DIAPH2: variants seen among roughly 807,000 people sequenced by gnomAD.
The protein encoded by DIAPH2 is diaphanous related formin 2, also known as protein diaphanous homolog 2.
Under a neutral mutation model 92.7 loss-of-function variants are expected in DIAPH2, and 35 were observed. The observed-to-expected ratio is 0.38, with a 90% CI of 0.29 to 0.50. The LOEUF (loss-of-function observed/expected upper bound fraction) is 0.50, where lower values mean the gene tolerates loss of function less well. DIAPH2 is among the 20% of genes least tolerant of loss of function. DIAPH2 has a pLI of 0.94. For synonymous variants in DIAPH2, 301 were observed against 280.4 expected (o/e 1.07, Z -0.73); for missense variants, 701 against 819.5 (o/e 0.86, Z 1.77).
chrX:97,114,795 A>G lies in DIAPH2; in HGVS notation c.2419A>G (p.Ile807Val). The G allele has an allele frequency of 8.3e-7, 1 of 1,211,305 alleles. No homozygotes were observed. Among genetic ancestry groups the G allele is most frequent in the African/African-American group, 1.7e-5 (1 of 57,866 alleles). The change falls in exon 21 of 27, where the codon ATA becomes GTA. Residue 807 changes from isoleucine to valine, a missense_variant. Physicochemically the swap from Ile to Val is conservative, Grantham distance 29. Transcript: ENST00000324765. Reference sequence around the variant, plus strand: ...GTTCAAGCTCACATTTGAAGAACACATAAACAACATCAAACCAAGCATCAT... The same window carrying G: ...GTTCAAGCTCACATTTGAAGAACACGTAAACAACATCAAACCAAGCATCAT... ...ILFKLTFEEH[I>V]NNIKPSIIAV...
chrX:96,707,226 T>A (rs1415678151), intron 1 of DIAPH2, among the ~76,000 whole-genome samples: 1 of 109,673 alleles, frequency 9.1e-6, no homozygotes, highest in Non-Finnish European at 1.9e-5. Context: ...TGGAGTGCAG[T>A]GGCGTGATCT....
intron 21 of DIAPH2, among the ~76,000 whole-genome samples, chrX:97,132,931 G>A (rs1168403601): frequency 9.1e-6 from 1 of 110,370 alleles, no homozygotes; most frequent in Non-Finnish European, 1.9e-5. Context: ...TTTTTCCTGA[G>A]TACAGCACCT....
chrX:96,898,651 C>T (rs1374037635), intron 5 of DIAPH2, among the ~76,000 whole-genome samples: 20 of 107,479 alleles, frequency 1.9e-4, no homozygotes, highest in Admixed American at 8.1e-4. Flanking sequence ...GAGTAGGTTG[C>T]GAAAATTTTC....
chrX:97,178,609 C>T (rs2067514222), intron 22 of DIAPH2, among the ~76,000 whole-genome samples: 1 of 108,639 alleles, frequency 9.2e-6, no homozygotes, highest in African/African-American at 3.4e-5. Flanking sequence ...CCCACCATCA[C>T]GCCTGGCTAA....
chrX:97,599,303 A>G lies in DIAPH2; in HGVS notation c.3292A>G (p.Ile1098Val). 1.7e-6 allele frequency: 2 copies of G among 1,184,623 alleles called. No homozygotes were observed. Among genetic ancestry groups the G allele is most frequent in the Non-Finnish European group, 2.3e-6 (2 of 875,183 alleles). Residue 1098 changes from isoleucine (I) to valine (V), a missense_variant, in exon 27 of 27, where the codon ATC (isoleucine) becomes GTC (valine). Physicochemically the swap from Ile to Val is conservative, Grantham distance 29 (BLOSUM62 3). Transcript: ENST00000324765. Reference sequence around the variant, plus strand: ...GTCACGCTCTCGCCACAATGGAGCTATCTCATCTAAGTGATTCCTGATGCC... The same window carrying G: ...GTCACGCTCTCGCCACAATGGAGCTGTCTCATCTAAGTGATTCCTGATGCC... ...ERSRSRHNGAISSK is the reference protein window; with the variant it reads ...ERSRSRHNGAVSSK
At chrX:96,915,598 C>T (rs913333626) in intron 7 of DIAPH2, among the ~76,000 whole-genome samples, 1 of 110,758 alleles carries the variant, frequency 9.0e-6, no homozygotes, top group Non-Finnish European at 1.9e-5. Context: ...GGAAATTTTG[C>T]TCCGATGAAA....
chrX:97,574,562 A>G (rs759729854), intron 26 of DIAPH2, among the ~76,000 whole-genome samples: 1 of 111,876 alleles, frequency 8.9e-6, no homozygotes, highest in South Asian at 3.8e-4. Flanking sequence ...CTGAATCTTA[A>G]CAGATGAGTA....
At chrX:97,143,228 T>C (rs1345122617) in intron 22 of DIAPH2, among the ~76,000 whole-genome samples, 2 of 111,269 alleles carry the variant, frequency 1.8e-5, no homozygotes, top group Non-Finnish European at 3.8e-5. Context: ...GAAGCATATT[T>C]ACTAACATGT....
chrX:96,728,393 A>G (rs1170407700), intron 1 of DIAPH2, among the ~76,000 whole-genome samples: 3 of 110,659 alleles, frequency 2.7e-5, no homozygotes, highest in Non-Finnish European at 5.7e-5. Context: ...TATTTTTAGT[A>G]GAGACGGGGG....
intron 17 of DIAPH2, among the ~76,000 whole-genome samples, chrX:96,998,294 GA>G (rs200480605): frequency 2.7e-5 from 3 of 111,115 alleles, no homozygotes; most frequent in African/African-American, 9.8e-5. Flanking sequence ...AAAATAAGGA[GA>G]AAAAATACCT....
intron 5 of DIAPH2, among the ~76,000 whole-genome samples, chrX:96,890,998 A>T (rs996039656): frequency 9.0e-6 from 1 of 110,503 alleles, no homozygotes; most frequent in Non-Finnish European, 1.9e-5. Flanking sequence ...TCCTCTGGGG[A>T]AGGGACCCTC....
intron 3 of DIAPH2, among the ~76,000 whole-genome samples, chrX:96,748,557 C>A (rs1053136825): frequency 1.8e-5 from 2 of 111,775 alleles, no homozygotes; most frequent in Admixed American, 1.9e-4. Flanking sequence ...AGTCCCATGC[C>A]TTCCATATGC....
At chrX:97,250,848 A>G (rs771305750) in intron 23 of DIAPH2, among the ~76,000 whole-genome samples, 8 of 112,163 alleles carry the variant, frequency 7.1e-5, no homozygotes, top group Non-Finnish European at 1.1e-4. Flanking sequence ...TGTATCATTG[A>G]ATCACCTTTA....
chrX:97,162,696 G>C (rs2067382902), intron 22 of DIAPH2, among the ~76,000 whole-genome samples: 1 of 110,331 alleles, frequency 9.1e-6, no homozygotes, highest in Non-Finnish European at 1.9e-5. Context: ...TTTGTTTTTG[G>C]TAGAGACAGG....
chrX:97,237,986 A>G (rs1450237609), intron 22 of DIAPH2, among the ~76,000 whole-genome samples: 1 of 111,987 alleles, frequency 8.9e-6, no homozygotes, highest in Non-Finnish European at 1.9e-5. Flanking sequence ...ACTGTCAAGA[A>G]AGGTAGGAGA....
chrX:96,773,167 C>T (rs753935526), intron 4 of DIAPH2, among the ~76,000 whole-genome samples: 2 of 110,196 alleles, frequency 1.8e-5, no homozygotes, highest in Admixed American at 9.7e-5. Flanking sequence ...AAAATTATTT[C>T]AGATTTTCTT....
intron 19 of DIAPH2, among the ~76,000 whole-genome samples, chrX:97,080,996 T>C (rs1457767659): frequency 8.9e-6 from 1 of 112,151 alleles, no homozygotes; most frequent in Non-Finnish European, 1.9e-5. Flanking sequence ...ACTACAAGTA[T>C]GTCAATTAAG....
chrX:97,589,823 TTG>T (rs2071505589), intron 26 of DIAPH2, among the ~76,000 whole-genome samples: 1 of 112,430 alleles, frequency 8.9e-6, no homozygotes, highest in Non-Finnish European at 1.9e-5. Flanking sequence ...TGTGCATGGA[TTG>T]TGTTAGACAC....
intron 5 of DIAPH2, among the ~76,000 whole-genome samples, chrX:96,882,772 C>A (rs2065222380): frequency 9.2e-6 from 1 of 108,512 alleles, no homozygotes; most frequent in African/African-American, 3.4e-5. Context: ...GCCTGGCCAA[C>A]ATGGTGAAAC....
Sources: gnomAD v4.1 joint callset for allele counts (sites outside exome capture counted in the v4.1 genomes callset) on GRCh38, gnomAD v4.1.1 for gene constraint, MANE v1.5 for transcripts, NCBI Gene and HGNC (gene_info 2026-07-23, HGNC 2026-07-21) for gene names.